DIP2C: variants seen among roughly 807,000 people sequenced by gnomAD.
DIP2C encodes the protein DIP2 acetate--CoA ligase C (putative).
DIP2C carries 33 observed loss-of-function variants against 192.4 expected under a neutral mutation model. That is an observed-to-expected ratio of 0.17 (90% CI 0.13 to 0.23). The LOEUF (loss-of-function observed/expected upper bound fraction) is 0.23. Among genes scored for constraint, DIP2C ranks in the 10% least tolerant of loss-of-function variants. The pLI is 1.00. For synonymous variants in DIP2C, 979 were observed against 864.1 expected, an observed-to-expected ratio of 1.13 and a Z score of -2.33; for missense variants, 1,537 against 2,110.1, an observed-to-expected ratio of 0.73 and a Z score of 5.32.
At chr10:569,462 A>G (rs1348433133) in intron 1 of DIP2C, among the ~76,000 whole-genome samples, 1 of 152,228 alleles carries the variant, frequency 6.6e-6, no homozygotes, top group Non-Finnish European at 1.5e-5. Context: ...AGAATAACGA[A>G]TTGGCATTCC....
chr10:283,309 C>A lies in DIP2C; in HGVS notation c.4257G>T (p.Gly1419=). 6.2e-7 allele frequency: 1 copy of A among 1,614,026 alleles called. No homozygotes were observed. Residue 1419 remains glycine, a synonymous_variant, in exon 35 of 37, where the codon GGG becomes GGT. Transcript: ENST00000280886. ...CTGTGAGCTCAGTTCTCCGCAGGAA[C>A]CCCAAGTAGCCTGTGCGTGCCCAGA... ...QTIWARTGYL[G]FLRRTELTDA...
rs79930995 is a variant in DIP2C at position 280,641 on chromosome 10, G to C, written c.4418+559C>G. 1.5e-4 allele frequency among the ~76,000 whole-genome samples: 23 copies of C among 152,340 alleles called. No homozygotes were observed. In the East Asian group the frequency reaches 4.2e-3, roughly 28 times the overall value. On this transcript the variant is annotated intron_variant, in intron 36 of 36. Transcript: ENST00000280886. ...ACAGATTAAATGGGCCAGAGAGAAA[G>C]ACAAAGTCCCAGCCTCAGAGTCCTC...
chr10:482,141 T>C (rs1182678192), intron 2 of DIP2C, among the ~76,000 whole-genome samples: 4 of 152,184 alleles, frequency 2.6e-5, no homozygotes, highest in African/African-American at 9.7e-5. Flanking sequence ...CACGGCCAAG[T>C]GCACGGCCTG....
chr10:382,896 AATTT>A, intron 16 of DIP2C, 135 bp from the exon 17 acceptor site: 1 of 521,366 alleles, frequency 1.9e-6, no homozygotes, highest in Non-Finnish European at 3.3e-6. Flanking sequence ...TATTTAATAC[AATTT>A]ATTATTTATG....
intron 10 of DIP2C, among the ~76,000 whole-genome samples, chr10:394,512 AT>A (rs1963799831): frequency 6.6e-6 from 1 of 151,414 alleles, no homozygotes; most frequent in Non-Finnish European, 1.5e-5. Context: ...AGTGGGCGCT[AT>A]TCAGCCTTCA....
At chr10:543,907 A>T (rs1438797171) in intron 1 of DIP2C, among the ~76,000 whole-genome samples, 1 of 152,234 alleles carries the variant, frequency 6.6e-6, no homozygotes, top group Non-Finnish European at 1.5e-5. Flanking sequence ...AAGAGTCAGC[A>T]CCTGCTGCTT....
At chr10:536,626 G>A (rs1035854509) in intron 1 of DIP2C, among the ~76,000 whole-genome samples, 1 of 152,240 alleles carries the variant, frequency 6.6e-6, no homozygotes, top group African/African-American at 2.4e-5. Flanking sequence ...CGGACAGACA[G>A]TGAATGTGAT....
chr10:654,444 C>T (rs893686425), intron 1 of DIP2C, among the ~76,000 whole-genome samples: 1 of 152,192 alleles, frequency 6.6e-6, no homozygotes, highest in Non-Finnish European at 1.5e-5. Context: ...GGACTTCCTA[C>T]AATGCACAGT....
intron 5 of DIP2C, among the ~76,000 whole-genome samples, chr10:421,046 A>G (rs975274497): frequency 1.3e-5 from 2 of 152,234 alleles, no homozygotes; most frequent in African/African-American, 4.8e-5. Context: ...TTTGCCACAG[A>G]AAATATTTTT....
Position 484,856 on chromosome 10 carries a change from C to T in DIP2C, c.157+1603G>A, listed in dbSNP as rs370668361. On this transcript the variant is annotated intron_variant, in intron 2 of 36. Coordinates refer to ENST00000280886, the MANE Select transcript of DIP2C (RefSeq NM_014974.3). ...TCCCGAGCCGCAGCTTCTCGGACGT[C>T]GCACACCCCGATGTGGGCAGAGCGG... is the stretch of plus-strand genomic sequence containing the variant. 5.5e-5 allele frequency: 89 copies of T among 1,611,488 alleles called. No homozygotes were observed. The African/African-American group carries it at 1.1e-3, about 19-fold the overall frequency.
intron 22 of DIP2C, among the ~76,000 whole-genome samples, chr10:360,339 G>A (rs1959311782): frequency 6.6e-6 from 1 of 152,156 alleles, no homozygotes; most frequent in Non-Finnish European, 1.5e-5. Context: ...TGCCCCCAGG[G>A]TATATCACAG....
intron 2 of DIP2C, among the ~76,000 whole-genome samples, chr10:477,787 A>C (rs1843187491): frequency 7.1e-6 from 1 of 140,004 alleles, no homozygotes; most frequent in Non-Finnish European, 1.6e-5. Context: ...AAGGAGAGAG[A>C]AAGAAGGGAA....
At chr10:308,679 G>C (rs1040999502) in intron 32 of DIP2C, among the ~76,000 whole-genome samples, 3 of 152,244 alleles carry the variant, frequency 2.0e-5, no homozygotes, top group Non-Finnish European at 4.4e-5. Context: ...TTGGGGGCAG[G>C]CGTTGCCTCT....
At chr10:565,247 G>C (rs1201699120) in intron 1 of DIP2C, among the ~76,000 whole-genome samples, 1 of 151,000 alleles carries the variant, frequency 6.6e-6, no homozygotes, top group Non-Finnish European at 1.5e-5. Flanking sequence ...GCTGGCATTT[G>C]TACATACACA....
intron 32 of DIP2C, among the ~76,000 whole-genome samples, chr10:291,412 T>C (rs978945989): frequency 1.3e-5 from 2 of 152,124 alleles, no homozygotes; most frequent in African/African-American, 4.8e-5. Context: ...TGCTAGCAAA[T>C]GCCACACAGG....
chr10:314,050 C>T (rs536915289), intron 31 of DIP2C, among the ~76,000 whole-genome samples: 24 of 152,200 alleles, frequency 1.6e-4, no homozygotes, highest in Non-Finnish European at 3.2e-4. Flanking sequence ...TCTGAGAAGA[C>T]GAGAAAAGGT....
intron 35 of DIP2C, chr10:282,129 G>C (rs1589378626): frequency 6.4e-6 from 1 of 156,184 alleles, no homozygotes; most frequent in East Asian, 1.9e-4. Flanking sequence ...CGTAGACAGA[G>C]ATAAGTATTT....
At chr10:327,877 C>T (rs185158236) in intron 30 of DIP2C, among the ~76,000 whole-genome samples, 2 of 152,120 alleles carry the variant, frequency 1.3e-5, no homozygotes, top group Non-Finnish European at 2.9e-5. Context: ...TTCAGTCAGC[C>T]GAGCACAACA....
At position 556,349 on chromosome 10, in the gene DIP2C, A is replaced by AC. The variant is rs149715831; in HGVS notation, c.86-69820dup. 3.4e-4 allele frequency among the ~76,000 whole-genome samples: 12 copies of AC among 35,666 alleles called. 1 individual carries two copies. The highest frequency in any genetic ancestry group is 1.3e-3 in the African/African-American group (10 of 7,912). 23.4% of individuals were successfully genotyped at this position (35,666 alleles called of 152,430 possible). Reference sequence around the variant, plus strand: ...CCGGATCCCAGGACGGCACCCACCCACCCCTCCCACAGCCGGATCCCAGGC... The same window carrying AC: ...CCGGATCCCAGGACGGCACCCACCCACCCCCTCCCACAGCCGGATCCCAGGC... On this transcript the variant is annotated intron_variant, in intron 1 of 36. Coordinates refer to ENST00000280886, the MANE Select transcript of DIP2C (RefSeq NM_014974.3).
Sources: allele counts gnomAD v4.1 joint callset (sites outside exome capture counted in the v4.1 genomes callset), GRCh38; gene constraint gnomAD v4.1.1; transcripts MANE v1.5; gene names NCBI Gene and HGNC (gene_info 2026-07-23, HGNC 2026-07-21).